The following CACNA1A variants were observed in gnomAD, a reference collection of about 807,000 sequenced individuals.
CACNA1A encodes the protein calcium voltage-gated channel subunit alpha1 A.
A neutral mutation model predicts 262.4 loss-of-function variants in CACNA1A; 57 were observed. That is an observed-to-expected ratio of 0.22 (90% confidence interval 0.18 to 0.27). The LOEUF (loss-of-function observed/expected upper bound fraction) is 0.27, where lower values mean the gene tolerates loss of function less well. CACNA1A is among the 10% of genes least tolerant of loss of function. The probability of loss-of-function intolerance (pLI) is 1.00; values close to 1 mark genes in which losing one functional copy is unlikely to be tolerated. For missense variants in CACNA1A, 2,526 were observed against 3,562.8 expected (o/e 0.71, Z 7.41); for synonymous variants, 1,431 against 1,419.3 (o/e 1.01, Z -0.18).
chr19:13,262,496 T>C (rs2056757111), intron 25 of CACNA1A: 2 of 463,798 alleles, frequency 4.3e-6, no homozygotes, highest in African/African-American at 3.9e-5. Flanking sequence ...AAAAGGATCT[T>C]AACCCCAAGA....
intron 31 of CACNA1A, among the ~76,000 whole-genome samples, chr19:13,240,137 C>T (rs545848802): frequency 1.6e-4 from 21 of 130,086 alleles, no homozygotes; most frequent in Non-Finnish European, 2.8e-4. Flanking sequence ...GGTGACAGAG[C>T]GAGACTCTGT....
At chr19:13,337,577 C>T (rs370056554) in intron 6 of CACNA1A, among the ~76,000 whole-genome samples, 62 of 152,202 alleles carry the variant, frequency 4.1e-4, no homozygotes, top group African/African-American at 1.4e-3. Flanking sequence ...AATCTATTTC[C>T]AAATAAGGTC....
intron 1 of CACNA1A, among the ~76,000 whole-genome samples, chr19:13,470,159 A>G (rs758005531): frequency 4.6e-5 from 7 of 152,190 alleles, no homozygotes; most frequent in Non-Finnish European, 1.0e-4. Context: ...ATATTCTTCC[A>G]TCATTAAAAC....
At chr19:13,417,394 C>T (rs532184232) in intron 3 of CACNA1A, among the ~76,000 whole-genome samples, 5 of 152,170 alleles carry the variant, frequency 3.3e-5, no homozygotes, top group Non-Finnish European at 7.3e-5. Context: ...AGGAAAGAGT[C>T]GCCAAGGGCT....
At chr19:13,261,647 G>T (rs1337588278) in intron 25 of CACNA1A, 37 bp from the exon 26 acceptor site, 1 of 1,591,832 alleles carries the variant, frequency 6.3e-7, no homozygotes, top group East Asian at 2.3e-5. Flanking sequence ...TGAGGGGCTG[G>T]GGACCTGCCC....
chr19:13,505,793 C>T, intron 1 of CACNA1A, 139 bp downstream of exon 1: 2 of 809,406 alleles, frequency 2.5e-6, no homozygotes, highest in East Asian at 2.7e-5. Context: ...CCTCCCGGTG[C>T]CCCCTCTCCC....
At position 13,308,571 on chromosome 19, in the gene CACNA1A, G is replaced by A. The variant is rs982846453; in HGVS notation, c.1669-43C>T. On this transcript the variant is annotated intron_variant, in intron 12 of 46. Coordinates refer to ENST00000360228, the MANE Select transcript of CACNA1A (RefSeq NM_001127222.2). The surrounding 1 kb of genome is among the most constrained non-coding windows in gnomAD (Gnocchi z 4.2). ...GTCTCATGTCCAGGGACAGTGTCTGGGCTCCAGAACTGGCAAGCATTTCCT... is the reference window on the plus strand; with the variant it reads ...GTCTCATGTCCAGGGACAGTGTCTGAGCTCCAGAACTGGCAAGCATTTCCT... The A allele has an allele frequency of 2.3e-6, 3 of 1,324,476 alleles. No individual in the cohort carries two copies. Among genetic ancestry groups the A allele is most frequent in the Non-Finnish European group, 3.2e-6 (3 of 941,076 alleles). The allele number at this position is 1,324,476 out of a possible 1,614,324, so 82.0% of individuals were successfully genotyped here.
chr19:13,310,229 G>A, intron 12 of CACNA1A, among the ~76,000 whole-genome samples: 1 of 151,608 alleles, frequency 6.6e-6, no homozygotes, highest in Non-Finnish European at 1.5e-5. Context: ...GCCAGGGCAG[G>A]TGGATCACCT....
intron 19 of CACNA1A, among the ~76,000 whole-genome samples, chr19:13,292,107 T>A (rs1185767465): frequency 6.6e-6 from 1 of 152,162 alleles, no homozygotes; most frequent in African/African-American, 2.4e-5. Flanking sequence ...CTGTCCTCCA[T>A]AGATTTTTAC....
chr19:13,456,790 C>T (rs570018406), intron 1 of CACNA1A, among the ~76,000 whole-genome samples: 57 of 152,204 alleles, frequency 3.7e-4, no homozygotes, highest in African/African-American at 1.3e-3. Flanking sequence ...GTCAAATGGC[C>T]AATATGTACA....
chr19:13,225,008 C>T, intron 37 of CACNA1A: 1 of 451,296 alleles, frequency 2.2e-6, no homozygotes, highest in African/African-American at 2.0e-5. Flanking sequence ...TTTTCCCCCA[C>T]CTGCTTGACC....
At chr19:13,481,003 T>G (rs1445698669) in intron 1 of CACNA1A, among the ~76,000 whole-genome samples, 1 of 152,298 alleles carries the variant, frequency 6.6e-6, no homozygotes, top group African/African-American at 2.4e-5. Flanking sequence ...TTTTGTTGCT[T>G]GAGGGGTGCA....
At chr19:13,328,478 C>A (rs530259932) in intron 10 of CACNA1A, among the ~76,000 whole-genome samples, 1 of 152,240 alleles carries the variant, frequency 6.6e-6, no homozygotes, top group African/African-American at 2.4e-5. Context: ...TATTCGATGG[C>A]CTGGGTGGGG....
intron 3 of CACNA1A, among the ~76,000 whole-genome samples, chr19:13,402,731 TACATATATATAC>T (rs1163422537): frequency 1.9e-4 from 28 of 144,792 alleles, no homozygotes; most frequent in East Asian, 1.2e-3. Context: ...TATATATATA[TACATATATATAC>T]ACATATATAT....
At chr19:13,493,419 T>C (rs1158137739) in intron 1 of CACNA1A, among the ~76,000 whole-genome samples, 1 of 152,234 alleles carries the variant, frequency 6.6e-6, no homozygotes, top group Non-Finnish European at 1.5e-5. Context: ...CAGATGCCAG[T>C]AGCATCTTGC....
At chr19:13,503,940 C>T (rs556367372) in intron 1 of CACNA1A, among the ~76,000 whole-genome samples, 1 of 152,188 alleles carries the variant, frequency 6.6e-6, no homozygotes, top group East Asian at 1.9e-4. Context: ...ACTGCAATCC[C>T]CCTCTCCCCC....
At chr19:13,238,546 T>C (rs947431454) in intron 31 of CACNA1A, among the ~76,000 whole-genome samples, 36 of 150,230 alleles carry the variant, frequency 2.4e-4, no homozygotes, top group African/African-American at 8.3e-4. Flanking sequence ...CCTATTCTCT[T>C]CCCCCAACCT....
chr19:13,379,006 G>T (rs549128894), intron 3 of CACNA1A, among the ~76,000 whole-genome samples: 54 of 137,628 alleles, frequency 3.9e-4, no homozygotes, highest in African/African-American at 1.1e-3. Flanking sequence ...TGAGAGATAC[G>T]GTCTCACTCT....
intron 31 of CACNA1A, among the ~76,000 whole-genome samples, chr19:13,237,110 C>T (rs2055903015): frequency 6.6e-6 from 1 of 152,132 alleles, no homozygotes; most frequent in South Asian, 2.1e-4. Flanking sequence ...CACATGATCT[C>T]CAGTTTTCCA....
Sources: allele counts gnomAD v4.1 joint callset (sites outside exome capture counted in the v4.1 genomes callset), GRCh38; gene constraint gnomAD v4.1.1; non-coding constraint Gnocchi (gnomAD v3.1); transcripts MANE v1.5; gene names NCBI Gene and HGNC (gene_info 2026-07-23, HGNC 2026-07-21).